Variants in SAMD4A observed in about 807,000 individuals in gnomAD.
The protein encoded by SAMD4A is protein Smaug homolog 1.
In SAMD4A, 33 loss-of-function variants were observed where a neutral mutation model predicts 81.3. That is an observed-to-expected ratio of 0.41 (90% CI 0.31 to 0.54). The LOEUF is 0.54. Ranked by LOEUF, SAMD4A falls within the 20% of genes least tolerant of loss-of-function variation. SAMD4A has a pLI of 0.37. For synonymous variants in SAMD4A, 389 were observed against 382.1 expected (o/e 1.02, Z -0.21); for missense variants, 854 against 951.1 (o/e 0.90, Z 1.34).
intron 2 of SAMD4A, among the ~76,000 whole-genome samples, chr14:54,636,259 C>T (rs1357526760): frequency 1.3e-5 from 2 of 152,000 alleles, no homozygotes; most frequent in African/African-American, 4.8e-5. Flanking sequence ...TTACAAAAGC[C>T]CTTAGGTTGG....
At chr14:54,751,628 T>C in intron 6 of SAMD4A, 91 bp downstream of exon 6, 1 of 828,202 alleles carries the variant, frequency 1.2e-6, no homozygotes, top group East Asian at 2.5e-5. Context: ...CGACAGACCT[T>C]CTAGAGCGTA....
intron 2 of SAMD4A, among the ~76,000 whole-genome samples, chr14:54,662,852 C>G (rs2035674606): frequency 6.6e-6 from 1 of 152,190 alleles, no homozygotes; most frequent in Admixed American, 6.5e-5. Flanking sequence ...CGTTGACCCC[C>G]AGAGAGGTCT....
chr14:54,614,496 A>G (rs2034443890), intron 2 of SAMD4A, among the ~76,000 whole-genome samples: 1 of 152,210 alleles, frequency 6.6e-6, no homozygotes. Flanking sequence ...ACGAATGCAT[A>G]CCATAAACTT....
chr14:54,572,365 A>G (rs190091735), intron 2 of SAMD4A, among the ~76,000 whole-genome samples: 48 of 152,320 alleles, frequency 3.2e-4, no homozygotes, highest in African/African-American at 1.1e-3. Flanking sequence ...ATATTTTAAT[A>G]TAAAAAGATT....
chr14:54,666,756 T>C (rs907778222), intron 2 of SAMD4A, among the ~76,000 whole-genome samples: 8 of 152,162 alleles, frequency 5.3e-5, no homozygotes, highest in Admixed American at 4.6e-4. Context: ...GGAATTTTTG[T>C]GCAATTGACA....
intron 8 of SAMD4A, among the ~76,000 whole-genome samples, chr14:54,768,460 C>T (rs1019332845): frequency 6.6e-6 from 1 of 152,320 alleles, no homozygotes; most frequent in Middle Eastern, 3.4e-3. Context: ...TAAAGGCGTG[C>T]AGGGATTCGA....
intron 2 of SAMD4A, among the ~76,000 whole-genome samples, chr14:54,650,787 A>C: frequency 6.6e-6 from 1 of 151,954 alleles, no homozygotes; most frequent in South Asian, 2.1e-4. Flanking sequence ...CCCTATAAAT[A>C]ATCTATTTTT....
intron 2 of SAMD4A, among the ~76,000 whole-genome samples, chr14:54,648,595 G>C (rs2035334952): frequency 5.3e-5 from 8 of 152,214 alleles, no homozygotes; most frequent in Admixed American, 5.2e-4. Flanking sequence ...GATATTCAGA[G>C]TTGTGTGTTT....
At chr14:54,716,874 G>A (rs182343975) in intron 3 of SAMD4A, among the ~76,000 whole-genome samples, 15 of 152,144 alleles carry the variant, frequency 9.9e-5, no homozygotes, top group Non-Finnish European at 1.8e-4. Context: ...TTGCGGGGCA[G>A]GGCAGGTGGC....
At chr14:54,726,776 A>T (rs192953427) in intron 3 of SAMD4A, among the ~76,000 whole-genome samples, 2,085 of 151,902 alleles carry the variant, frequency 0.014, 41 homozygotes, top group African/African-American at 0.045. Flanking sequence ...TTTTTTTTTT[A>T]AAAGGCTCAA....
At chr14:54,624,694 A>G (rs759650643) in intron 2 of SAMD4A, among the ~76,000 whole-genome samples, 5 of 152,244 alleles carry the variant, frequency 3.3e-5, no homozygotes, top group Admixed American at 6.5e-5. Flanking sequence ...TTATATGGCT[A>G]TACAATTATC....
chr14:54,685,924 G>A (rs1399813441), intron 2 of SAMD4A: 1 of 452,006 alleles, frequency 2.2e-6, no homozygotes, highest in Non-Finnish European at 4.5e-6. Flanking sequence ...TACCAGTCAG[G>A]AGAGGTTACT....
intron 2 of SAMD4A, among the ~76,000 whole-genome samples, chr14:54,647,628 G>T (rs1178123625): frequency 6.6e-6 from 1 of 152,208 alleles, no homozygotes; most frequent in Non-Finnish European, 1.5e-5. Flanking sequence ...GAAGTTTTAT[G>T]AAAGGGAAGT....
intron 11 of SAMD4A, chr14:54,784,242 T>A: frequency 1.1e-6 from 1 of 899,266 alleles, no homozygotes. Context: ...GGGCAGGAGG[T>A]TGGCTGTTAC....
intron 2 of SAMD4A, chr14:54,694,889 C>G (rs1281227045): frequency 1.0e-6 from 1 of 985,438 alleles, no homozygotes; most frequent in Non-Finnish European, 1.2e-6. Flanking sequence ...GATGGAAAGT[C>G]TCCATGGAAG....
intron 2 of SAMD4A, among the ~76,000 whole-genome samples, chr14:54,664,177 G>GT (rs981987764): frequency 7.2e-5 from 11 of 151,756 alleles, no homozygotes; most frequent in African/African-American, 2.2e-4. Context: ...TTGCCTTTGG[G>GT]TTTTTTTTCT....
At chr14:54,707,854 G>A (rs907806005) in intron 3 of SAMD4A, among the ~76,000 whole-genome samples, 1 of 152,160 alleles carries the variant, frequency 6.6e-6, no homozygotes, top group Non-Finnish European at 1.5e-5. Context: ...GACTTGCTAG[G>A]GGAAAAAGCA....
At chr14:54,768,304 A>G (rs1279111392) in intron 8 of SAMD4A, among the ~76,000 whole-genome samples, 1 of 152,220 alleles carries the variant, frequency 6.6e-6, no homozygotes, top group Non-Finnish European at 1.5e-5. Flanking sequence ...AGTGGCATCT[A>G]TTTGAACCGT....
At chr14:54,726,897 T>C (rs2140888920) in intron 3 of SAMD4A, among the ~76,000 whole-genome samples, 1 of 152,258 alleles carries the variant, frequency 6.6e-6, no homozygotes, top group East Asian at 1.9e-4. Context: ...GTACAGATAG[T>C]CTATTACTCA....
Sources: allele counts gnomAD v4.1 joint callset (sites outside exome capture counted in the v4.1 genomes callset), GRCh38; gene constraint gnomAD v4.1.1; transcripts MANE v1.5; gene names NCBI Gene and HGNC (gene_info 2026-07-23, HGNC 2026-07-21).